Variants in SLIT3 observed in about 807,000 individuals in gnomAD.
The protein encoded by SLIT3 is slit guidance ligand 3, also known as slit homolog 3 protein.
SLIT3 carries 68 observed loss-of-function variants against 184.0 expected under a neutral mutation model. The ratio of observed to expected loss-of-function variants is 0.37; its 90% CI spans 0.30 to 0.45. The LOEUF (loss-of-function observed/expected upper bound fraction) is 0.45. Among genes scored for constraint, SLIT3 ranks in the 20% least tolerant of loss-of-function variants. The pLI, the probability that SLIT3 is intolerant of heterozygous loss-of-function variation, is 1.00. For missense variants in SLIT3, 1,707 were observed against 2,026.0 expected, an observed-to-expected ratio of 0.84 and a Z score of 3.02; for synonymous variants, 831 against 828.6, an observed-to-expected ratio of 1.00 and a Z score of -0.05.
In SLIT3 at chr5:168,789,582, C is replaced by T; in HGVS notation, c.1057G>A (p.Gly353Ser). 1.2e-6 allele frequency: 2 copies of T among 1,613,598 alleles called. No individual in the cohort carries two copies. The highest frequency in any genetic ancestry group is 2.7e-5 in the African/African-American group (2 of 74,992). Residue 353 changes from glycine (G) to serine (S), a missense_variant, in exon 11 of 36, where the codon GGC becomes AGC. By Grantham distance (56) the Gly-to-Ser change is moderately conservative. Coordinates refer to ENST00000519560, the MANE Select transcript of SLIT3 (RefSeq NM_003062.4). ...TACAGCGATGTGAGTGATTTCAGGC[C>T]CTGGAAGGCATCTGGAGCAATATCC... Reference protein sequence around the residue: ...ISDIAPDAFQGLKSLTSLVLY... With the variant: ...ISDIAPDAFQSLKSLTSLVLY...
chr5:168,773,975 G>A (rs1431243118), intron 13 of SLIT3, among the ~76,000 whole-genome samples: 6 of 152,212 alleles, frequency 3.9e-5, no homozygotes, highest in African/African-American at 1.4e-4. Context: ...GTAGAAAGAA[G>A]AGATAGTAAC....
chr5:169,232,793 T>A (rs1765052466), intron 3 of SLIT3, among the ~76,000 whole-genome samples: 1 of 152,214 alleles, frequency 6.6e-6, no homozygotes, highest in Non-Finnish European at 1.5e-5. Flanking sequence ...TTTAGCATCA[T>A]CTTAATTTCC....
intron 16 of SLIT3, among the ~76,000 whole-genome samples, chr5:168,755,446 T>TTTCTTTCTCTCTTTCTTTCTC (rs1169504191): frequency 8.7e-6 from 1 of 115,572 alleles, no homozygotes; most frequent in Non-Finnish European, 2.0e-5. Context: ...TCTTTCTTTC[T>TTTCTTTCTCTCTTTCTTTCTC]TTTTGAGACA....
chr5:169,152,044 A>G (rs1467164932), intron 4 of SLIT3, among the ~76,000 whole-genome samples: 4 of 152,212 alleles, frequency 2.6e-5, no homozygotes, highest in Admixed American at 2.0e-4. Context: ...TGACATCCTC[A>G]TCATTATTAG....
intron 3 of SLIT3, among the ~76,000 whole-genome samples, chr5:169,242,267 A>C (rs1447767207): frequency 6.6e-6 from 1 of 152,194 alleles, no homozygotes; most frequent in Non-Finnish European, 1.5e-5. Flanking sequence ...ATATGAACCC[A>C]GCTGCCTGTG....
chr5:168,679,473 C>A (rs1452316398), intron 32 of SLIT3, among the ~76,000 whole-genome samples: 1 of 152,048 alleles, frequency 6.6e-6, no homozygotes, highest in African/African-American at 2.4e-5. Context: ...TCCTAACAAC[C>A]CCCAGGAAGG....
chr5:168,758,657 T>A (rs1755034215), intron 16 of SLIT3, among the ~76,000 whole-genome samples: 1 of 152,170 alleles, frequency 6.6e-6, no homozygotes, highest in African/African-American at 2.4e-5. Flanking sequence ...CAGCATTCGC[T>A]GGAGCCATGA....
At chr5:169,133,097 G>A (rs1761364736) in intron 4 of SLIT3, among the ~76,000 whole-genome samples, 1 of 152,164 alleles carries the variant, frequency 6.6e-6, no homozygotes, top group South Asian at 2.1e-4. Context: ...CTAGCAAGAG[G>A]TGCCTGTAGT....
intron 4 of SLIT3, among the ~76,000 whole-genome samples, chr5:169,057,206 T>G (rs1235500322): frequency 6.6e-6 from 1 of 152,116 alleles, no homozygotes; most frequent in Non-Finnish European, 1.5e-5. Flanking sequence ...TAGTGATAAG[T>G]TATCTTAAAC....
chr5:169,246,154 C>T (rs765764324), intron 2 of SLIT3, among the ~76,000 whole-genome samples: 1 of 152,190 alleles, frequency 6.6e-6, no homozygotes, highest in Non-Finnish European at 1.5e-5. Flanking sequence ...GCAAAAGAAA[C>T]TCCTTTTGAC....
At chr5:169,188,721 C>T (rs61022881) in intron 4 of SLIT3, among the ~76,000 whole-genome samples, 12,883 of 152,264 alleles carry the variant, frequency 0.085, 1,293 homozygotes, top group African/African-American at 0.23. Context: ...GCATTTACTA[C>T]GTGCTTTGTT....
Position 169,300,462 on chromosome 5 carries a change from T to C in SLIT3, c.197+51A>G, listed in dbSNP as rs1156251306. 4.4e-5 allele frequency: 61 copies of C among 1,400,676 alleles called. No individual in the cohort carries two copies. The highest frequency in any genetic ancestry group is 5.6e-5 in the Non-Finnish European group (60 of 1,079,246). The allele number at this position is 1,400,676 out of a possible 1,614,324, so 86.8% of individuals were successfully genotyped here. On this transcript the variant is annotated intron_variant, in intron 1 of 35. Transcript: ENST00000519560. The surrounding 1 kb of genome is among the most constrained non-coding windows in gnomAD (Gnocchi z 4.1). ...GACGGATCTGGCGCCTGGGGCCCCC[T>C]CGGTGGGACCCAGGTGGGTGGCCCG...
intron 4 of SLIT3, among the ~76,000 whole-genome samples, chr5:168,996,005 T>C (rs1025745551): frequency 2.6e-5 from 4 of 152,216 alleles, no homozygotes; most frequent in Admixed American, 6.5e-5. Flanking sequence ...GGACATTCAG[T>C]TGGTGACCAT....
intron 1 of SLIT3, among the ~76,000 whole-genome samples, chr5:169,266,929 T>A (rs913115888): frequency 7.2e-5 from 11 of 152,196 alleles, no homozygotes; most frequent in Non-Finnish European, 1.5e-4. Context: ...TAAGCAATGT[T>A]TTTAAGAAGG....
intron 4 of SLIT3, among the ~76,000 whole-genome samples, chr5:169,097,669 C>T (rs1581406682): frequency 6.6e-6 from 1 of 152,302 alleles, no homozygotes; most frequent in African/African-American, 2.4e-5. Flanking sequence ...ACATTTCTGG[C>T]CAGAGGGGGC....
At chr5:169,259,962 A>G (rs901704946) in intron 1 of SLIT3, among the ~76,000 whole-genome samples, 2 of 152,168 alleles carry the variant, frequency 1.3e-5, no homozygotes, top group African/African-American at 4.8e-5. Context: ...GGAGTAGACA[A>G]GCAGGAAGTC....
At chr5:169,153,536 G>A (rs1762197222) in intron 4 of SLIT3, among the ~76,000 whole-genome samples, 1 of 152,232 alleles carries the variant, frequency 6.6e-6, no homozygotes, top group Non-Finnish European at 1.5e-5. Flanking sequence ...CAAACAGACT[G>A]TCAGACAATA....
intron 4 of SLIT3, among the ~76,000 whole-genome samples, chr5:168,958,879 C>A (rs1007176261): frequency 5.3e-5 from 8 of 152,266 alleles, no homozygotes; most frequent in African/African-American, 1.9e-4. Context: ...CTATCCATGG[C>A]TTATGAATGA....
intron 4 of SLIT3, among the ~76,000 whole-genome samples, chr5:168,883,776 T>C (rs1760056593): frequency 6.6e-6 from 1 of 150,526 alleles, no homozygotes; most frequent in African/African-American, 2.4e-5. Flanking sequence ...CTCAGGACAA[T>C]CTGCCTTTGT....
Sources: allele counts gnomAD v4.1 joint callset (sites outside exome capture counted in the v4.1 genomes callset), GRCh38; gene constraint gnomAD v4.1.1; non-coding constraint Gnocchi (gnomAD v3.1); transcripts MANE v1.5; gene names NCBI Gene and HGNC (gene_info 2026-07-23, HGNC 2026-07-21).